The following ADARB2 variants were observed in gnomAD, a reference collection of about 807,000 sequenced individuals.
ADARB2 encodes the protein adenosine deaminase RNA specific B2 (inactive), also known as inactive double-stranded RNA-specific editase B2.
In ADARB2, 25 loss-of-function variants were observed where a neutral mutation model predicts 62.2. The ratio of observed to expected loss-of-function variants is 0.40; its 90% CI spans 0.29 to 0.56. The LOEUF (loss-of-function observed/expected upper bound fraction) is 0.56, where lower values mean the gene tolerates loss of function less well. Among genes scored for constraint, ADARB2 ranks in the 20% least tolerant of loss-of-function variants. ADARB2 has a pLI of 0.43. For synonymous variants in ADARB2, 572 were observed against 500.8 expected (o/e 1.14, Z -1.90); for missense variants, 1,071 against 1,077.4 (o/e 0.99, Z 0.08).
chr10:1,519,145 T>C (rs548808040), intron 1 of ADARB2, among the ~76,000 whole-genome samples: 8 of 152,046 alleles, frequency 5.3e-5, no homozygotes, highest in African/African-American at 1.9e-4. Flanking sequence ...GCATGTGATA[T>C]TGTCATACGC....
chr10:1,573,723 A>C (rs1471480263), intron 1 of ADARB2, among the ~76,000 whole-genome samples: 1 of 152,154 alleles, frequency 6.6e-6, no homozygotes, highest in Admixed American at 6.5e-5. Context: ...TGCAGCAGGC[A>C]CCCAGCAGGA....
intron 1 of ADARB2, among the ~76,000 whole-genome samples, chr10:1,711,793 C>T (rs372553223): frequency 2.6e-4 from 39 of 152,314 alleles, no homozygotes; most frequent in South Asian, 1.9e-3. Flanking sequence ...GATTTACATG[C>T]ACAGCTTCCT....
At chr10:1,472,772 AG>A (rs1414999674) in intron 1 of ADARB2, among the ~76,000 whole-genome samples, 16 of 151,910 alleles carry the variant, frequency 1.1e-4, no homozygotes, top group African/African-American at 3.9e-4. Context: ...GGGGATCTGC[AG>A]GGTGGGGGCA....
At chr10:1,604,750 G>A (rs1210487477) in intron 1 of ADARB2, among the ~76,000 whole-genome samples, 8 of 152,130 alleles carry the variant, frequency 5.3e-5, no homozygotes, top group Non-Finnish European at 4.4e-5. Context: ...GCATGAGAAC[G>A]TTACAATGAG....
chr10:1,562,882 A>G (rs920434305), intron 1 of ADARB2, among the ~76,000 whole-genome samples: 1 of 152,244 alleles, frequency 6.6e-6, no homozygotes, highest in African/African-American at 2.4e-5. Context: ...AGACTCAAGA[A>G]ATATGATTGA....
At chr10:1,525,983 G>A (rs1332873355) in intron 1 of ADARB2, among the ~76,000 whole-genome samples, 1 of 152,208 alleles carries the variant, frequency 6.6e-6, no homozygotes, top group Non-Finnish European at 1.5e-5. Context: ...GTGTGTGCAT[G>A]CATATATGTG....
At chr10:1,306,777 G>A (rs1284685241) in intron 3 of ADARB2, among the ~76,000 whole-genome samples, 62 of 149,602 alleles carry the variant, frequency 4.1e-4, no homozygotes, top group East Asian at 1.4e-3. Flanking sequence ...AAATAACGCC[G>A]CATATCTACA....
In ADARB2 at chr10:1,241,389, G is replaced by GC. The variant is rs1051998712; in HGVS notation, c.1361+741dup. Among the ~76,000 whole-genome samples, 44 of 152,196 alleles carry GC rather than the reference G, an allele frequency of 2.9e-4. 1 individual carries two copies. Among genetic ancestry groups the GC allele is most frequent in the Admixed American group, 1.2e-3 (19 of 15,280 alleles). ...GGGCATGGAGATGACCCTTGCCAAAGCCCCCCAAGGTCCCATTACTCGTAG... is the reference window on the plus strand; with the variant it reads ...GGGCATGGAGATGACCCTTGCCAAAGCCCCCCCAAGGTCCCATTACTCGTAG... On this transcript the variant is annotated intron_variant, in intron 5 of 9. Transcript: ENST00000381312.
At chr10:1,618,278 C>T (rs1833666572) in intron 1 of ADARB2, among the ~76,000 whole-genome samples, 1 of 152,176 alleles carries the variant, frequency 6.6e-6, no homozygotes, top group Admixed American at 6.5e-5. Flanking sequence ...ACCACCATGA[C>T]TATAACCTCT....
At chr10:1,583,519 T>A (rs2132002485) in intron 1 of ADARB2, among the ~76,000 whole-genome samples, 1 of 152,274 alleles carries the variant, frequency 6.6e-6, no homozygotes, top group East Asian at 1.9e-4. Context: ...AGTCAGATGC[T>A]TAGGTATGAA....
chr10:1,729,551 T>C (rs1835206357), intron 1 of ADARB2, among the ~76,000 whole-genome samples: 1 of 152,204 alleles, frequency 6.6e-6, no homozygotes. Flanking sequence ...TTTTCCCAAA[T>C]GCAATTACAC....
chr10:1,266,622 C>T (rs1023483801), intron 4 of ADARB2, among the ~76,000 whole-genome samples: 14 of 152,274 alleles, frequency 9.2e-5, no homozygotes, highest in Non-Finnish European at 1.2e-4. Flanking sequence ...CAGCCGGCCA[C>T]CACCGCAGAA....
chr10:1,695,532 G>A (rs367546784), intron 1 of ADARB2, among the ~76,000 whole-genome samples: 1 of 152,188 alleles, frequency 6.6e-6, no homozygotes, highest in Admixed American at 6.5e-5. Flanking sequence ...AGAGTGCTAT[G>A]GAGATAAAGA....
Position 1,179,829 on chromosome 10 carries a change from G to A in ADARB2, c.*3364C>T, listed in dbSNP as rs938181788. 7 of 152,336 alleles carry A rather than the reference G, an allele frequency of 4.6e-5. No individual in the cohort carries two copies. The highest frequency in any genetic ancestry group is 7.2e-5 in the African/African-American group (3 of 41,458). 9.4% of individuals were successfully genotyped at this position (152,336 alleles called of 1,614,324 possible). On this transcript the variant is annotated 3_prime_UTR_variant, in exon 10 of 10. Transcript: ENST00000381312. ...GGTGGGAAGTGCGAGGAAGCCAGAC[G>A]GTGATTTCGAGGTGGACTTGGAGGG...
chr10:1,349,531 C>G (rs1209557696), intron 3 of ADARB2, among the ~76,000 whole-genome samples: 1 of 152,172 alleles, frequency 6.6e-6, no homozygotes. Context: ...GTCCTCAGAC[C>G]GACCAGCCCA....
chr10:1,367,572 G>A (rs988084202), intron 2 of ADARB2, among the ~76,000 whole-genome samples: 2 of 152,156 alleles, frequency 1.3e-5, no homozygotes, highest in African/African-American at 4.8e-5. Context: ...CTACTGTTGA[G>A]TGTGTTTCAG....
In ADARB2 at chr10:1,201,690, G is replaced by A. The variant is rs189079987; in HGVS notation, c.1683-1543C>T. Among the ~76,000 whole-genome samples the A allele has an allele frequency of 9.2e-5, 14 of 151,746 alleles. 1 individual carries two copies. Among genetic ancestry groups the A allele is most frequent in the African/African-American group, 2.4e-4 (10 of 41,376 alleles). Reference sequence around the variant, plus strand: ...ATGTCTGCCTGGATGTCGGATGGTCGGAGGACACACAGCGCCTGTCACCGA... The same window carrying A: ...ATGTCTGCCTGGATGTCGGATGGTCAGAGGACACACAGCGCCTGTCACCGA... On this transcript the variant is annotated intron_variant, in intron 7 of 9. Coordinates refer to ENST00000381312, the MANE Select transcript of ADARB2 (RefSeq NM_018702.4).
At chr10:1,329,189 G>A (rs1457714522) in intron 3 of ADARB2, among the ~76,000 whole-genome samples, 1 of 152,180 alleles carries the variant, frequency 6.6e-6, no homozygotes, top group Admixed American at 6.5e-5. Context: ...ACGACAGAGA[G>A]CATCTCGGCA....
intron 1 of ADARB2, among the ~76,000 whole-genome samples, chr10:1,714,283 G>A (rs895430504): frequency 6.6e-6 from 1 of 152,234 alleles, no homozygotes; most frequent in African/African-American, 2.4e-5. Context: ...CGACGTGTGA[G>A]TGTCGCTATC....
Sources: allele counts gnomAD v4.1 joint callset (sites outside exome capture counted in the v4.1 genomes callset), GRCh38; gene constraint gnomAD v4.1.1; transcripts MANE v1.5; gene names NCBI Gene and HGNC (gene_info 2026-07-23, HGNC 2026-07-21).